CEP170: variants seen among roughly 807,000 people sequenced by gnomAD.
The protein encoded by CEP170 is centrosomal protein of 170 kDa.
A neutral mutation model predicts 151.9 loss-of-function variants in CEP170; 21 were observed. That is an observed-to-expected ratio of 0.14 (90% CI 0.10 to 0.20). The LOEUF is 0.20. CEP170 is among the 10% of genes least tolerant of loss of function. CEP170 has a pLI of 1.00. For synonymous variants in CEP170, 356 were observed against 648.8 expected (o/e 0.55, Z 6.86); for missense variants, 964 against 1,892.9 (o/e 0.51, Z 9.11).
intron 7 of CEP170, among the ~76,000 whole-genome samples, chr1:243,196,583 CA>C (rs1229495701): frequency 1.3e-5 from 2 of 152,044 alleles, no homozygotes; most frequent in East Asian, 1.9e-4. Context: ...TTGTGTGTGA[CA>C]GGGGAGGGCT....
In CEP170 at chr1:243,249,963, C is replaced by T. The variant is rs181475668; in HGVS notation, c.-42+5077G>A. On this transcript the variant is annotated intron_variant, in intron 1 of 19. Coordinates refer to ENST00000366542, the MANE Select transcript of CEP170 (RefSeq NM_014812.3). ...GGGCGTGCCTGTAGTCCCGGCTACTCGGGAGGCCGAGGCAGGGGAATAGCT... is the reference window on the plus strand; with the variant it reads ...GGGCGTGCCTGTAGTCCCGGCTACTTGGGAGGCCGAGGCAGGGGAATAGCT... Among the ~76,000 whole-genome samples the T allele has an allele frequency of 3.1e-3, 478 of 152,238 alleles. 1 individual carries two copies. Among genetic ancestry groups the T allele is most frequent in the African/African-American group, 0.011 (475 of 41,544 alleles).
At chr1:243,127,732 T>C (rs2148143312) in intron 19 of CEP170, among the ~76,000 whole-genome samples, 1 of 152,382 alleles carries the variant, frequency 6.6e-6, no homozygotes, top group Non-Finnish European at 1.5e-5. Flanking sequence ...TAGGCATTAA[T>C]GCACAGCCCA....
intron 4 of CEP170, among the ~76,000 whole-genome samples, chr1:243,210,065 C>T (rs1351537707): frequency 3.9e-5 from 6 of 152,182 alleles, no homozygotes; most frequent in African/African-American, 1.2e-4. Flanking sequence ...TATGGCTCAA[C>T]ACTAAGTGCA....
rs1483239111 is a variant in CEP170, at chr1:243,185,250, T to C, written c.1566+529A>G. Among the ~76,000 whole-genome samples, 3 of 152,208 alleles carry C rather than the reference T, an allele frequency of 2.0e-5. No individual in the cohort carries two copies. The highest frequency in any genetic ancestry group is 2.9e-5 in the Non-Finnish European group (2 of 68,042). On this transcript the variant is annotated intron_variant, in intron 10 of 19. Transcript: ENST00000366542. The surrounding 1 kb of genome is among the most constrained non-coding windows in gnomAD (Gnocchi z 4.9). The stretch of plus-strand genomic sequence containing the variant: ...AGTAAACTAAATCATAAACAACTGA[T>C]TTTGTTTTCATATACTTCTCTTCTA...
intron 3 of CEP170, among the ~76,000 whole-genome samples, chr1:243,216,605 A>G (rs527940510): frequency 5.3e-5 from 8 of 152,304 alleles, no homozygotes; most frequent in African/African-American, 1.9e-4. Context: ...CTATGCATAA[A>G]TAGCTCTTTG....
intron 1 of CEP170, among the ~76,000 whole-genome samples, chr1:243,248,956 A>C (rs1161726409): frequency 2.0e-5 from 3 of 152,196 alleles, no homozygotes; most frequent in Non-Finnish European, 4.4e-5. Flanking sequence ...CTCCACTCAG[A>C]TACCTACAAG....
chr1:243,226,796 T>G (rs1450205384), intron 1 of CEP170, among the ~76,000 whole-genome samples: 1 of 152,026 alleles, frequency 6.6e-6, no homozygotes, highest in Non-Finnish European at 1.5e-5. Context: ...TCAAGACCAG[T>G]CTGACCAACA....
rs186859536 is a variant in CEP170, at chr1:243,192,417, C to T, written c.632-923G>A. ...GAATAAAATACATAAATAAAAATGA[C>T]AACTAAAACGTTTTCGGTACGCAAA... is the stretch of plus-strand genomic sequence containing the variant. On this transcript the variant is annotated intron_variant, in intron 7 of 19. Coordinates refer to ENST00000366542, the MANE Select transcript of CEP170 (RefSeq NM_014812.3). Among the ~76,000 whole-genome samples, 410 of 152,172 alleles carry T rather than the reference C, an allele frequency of 2.7e-3. 1 individual carries two copies. The highest frequency in any genetic ancestry group is 4.1e-3 in the Non-Finnish European group (279 of 67,994).
At chr1:243,164,109 G>A (rs2058271848) in intron 13 of CEP170, among the ~76,000 whole-genome samples, 175 bp downstream of exon 13, 1 of 151,802 alleles carries the variant, frequency 6.6e-6, no homozygotes, top group African/African-American at 2.4e-5. Flanking sequence ...CATTTACTAT[G>A]CTAAATAAAA....
chr1:243,164,182 T>A, intron 13 of CEP170, 102 bp downstream of exon 13: 1 of 1,286,446 alleles, frequency 7.8e-7, no homozygotes, highest in Non-Finnish European at 9.9e-7. Flanking sequence ...TGAATGAGTA[T>A]CTTGGGAAGA....
At chr1:243,152,998 A>G (rs1294347348) in intron 14 of CEP170, among the ~76,000 whole-genome samples, 1 of 152,218 alleles carries the variant, frequency 6.6e-6, no homozygotes, top group African/African-American at 2.4e-5. Flanking sequence ...TCTGTGATTC[A>G]TGGAGGAGGT....
intron 7 of CEP170, among the ~76,000 whole-genome samples, chr1:243,195,118 G>C (rs1347560422): frequency 6.6e-6 from 1 of 151,670 alleles, no homozygotes; most frequent in African/African-American, 2.4e-5. Flanking sequence ...ATCTAACCTA[G>C]TCTGTTCAAG....
chr1:243,237,804 G>A (rs983898425), intron 1 of CEP170, among the ~76,000 whole-genome samples: 1 of 151,984 alleles, frequency 6.6e-6, no homozygotes, highest in Non-Finnish European at 1.5e-5. Flanking sequence ...ACTGGGGGTG[G>A]TGAGGCAGGA....
At chr1:243,127,556 A>G (rs1410206198) in intron 19 of CEP170, among the ~76,000 whole-genome samples, 1 of 152,222 alleles carries the variant, frequency 6.6e-6, no homozygotes, top group African/African-American at 2.4e-5. Context: ...CATGGGGTGT[A>G]CCATAACCCT....
chr1:243,168,776 A>G (rs1420922130), intron 12 of CEP170, among the ~76,000 whole-genome samples: 7 of 151,834 alleles, frequency 4.6e-5, no homozygotes, highest in African/African-American at 1.7e-4. Flanking sequence ...TAATAATGAA[A>G]TCCTTGAAGG....
In CEP170 at chr1:243,156,048, A is replaced by G. The variant is rs147634371; in HGVS notation, c.3911+173T>C. Among the ~76,000 whole-genome samples the G allele has an allele frequency of 4.4e-3, 669 of 152,258 alleles. 4 individuals are homozygous for G. Among genetic ancestry groups the G allele is most frequent in the African/African-American group, 0.015 (636 of 41,532 alleles). ...TGTTAGTGGTATAGGCATAGAAAAA[A>G]AAGAAAAAAAGCTGGATAGAGAGTA... On this transcript the variant is annotated intron_variant, in intron 14 of 19. Coordinates refer to ENST00000366542, the MANE Select transcript of CEP170 (RefSeq NM_014812.3).
In CEP170 at chr1:243,200,699, T is replaced by C. The variant is rs2060972312; in HGVS notation, c.334-19A>G. 6.3e-7 allele frequency: 1 copy of C among 1,584,186 alleles called. No homozygotes were observed. Among genetic ancestry groups the C allele is most frequent in the Non-Finnish European group, 8.6e-7 (1 of 1,167,808 alleles). ...TCTCATGCTATAAAACATTTAAAAA[T>C]GGAAGTGAAACATCAAGAAGTAAAA... On this transcript the variant is annotated intron_variant, in intron 5 of 19. Coordinates refer to ENST00000366542, the MANE Select transcript of CEP170 (RefSeq NM_014812.3).
At chr1:243,255,407 A>T (rs544448510), upstream of CEP170, 1 of 153,280 alleles carries the variant, frequency 6.5e-6, no homozygotes, top group Non-Finnish European at 1.5e-5. Flanking sequence ...CAGCTTGCCC[A>T]CTGCGCAGGC....
intron 3 of CEP170, among the ~76,000 whole-genome samples, chr1:243,221,175 C>A (rs1291846663): frequency 6.6e-6 from 1 of 152,152 alleles, no homozygotes; most frequent in African/African-American, 2.4e-5. Flanking sequence ...CAGGAGCCCG[C>A]CACCACACCC....
Sources: gnomAD v4.1 joint callset for allele counts (sites outside exome capture counted in the v4.1 genomes callset) on GRCh38, gnomAD v4.1.1 for gene constraint, Gnocchi (gnomAD v3.1) non-coding constraint, MANE v1.5 for transcripts, NCBI Gene and HGNC (gene_info 2026-07-23, HGNC 2026-07-21) for gene names.